The following ZNF148 variants were observed in gnomAD, a reference collection of about 807,000 sequenced individuals.
ZNF148 encodes zinc finger protein 148, also known as Beta-Enolase Repressor Factor-1.
ZNF148 carries 7 observed loss-of-function variants against 67.7 expected under a neutral mutation model. The observed-to-expected ratio is 0.10, with a 90% CI of 0.06 to 0.19. The LOEUF (loss-of-function observed/expected upper bound fraction) is 0.19, where lower values mean the gene tolerates loss of function less well. Ranked by LOEUF, ZNF148 falls within the 10% of genes least tolerant of loss-of-function variation. The pLI is 1.00. For missense variants in ZNF148, 583 were observed against 947.1 expected (o/e 0.62, Z 5.05); for synonymous variants, 333 against 330.7 (o/e 1.01, Z -0.08).
At chr3:125,301,463 CTT>C (rs1293935927) in intron 4 of ZNF148, among the ~76,000 whole-genome samples, 3 of 152,286 alleles carry the variant, frequency 2.0e-5, no homozygotes, top group African/African-American at 7.2e-5. Context: ...CACATGATGA[CTT>C]ATACTTCAAA....
At chr3:125,373,928 C>G (rs944482558) in intron 1 of ZNF148, among the ~76,000 whole-genome samples, 1 of 152,174 alleles carries the variant, frequency 6.6e-6, no homozygotes, top group African/African-American at 2.4e-5. Context: ...CTGAATAATA[C>G]GGCACCAATT....
intron 7 of ZNF148, among the ~76,000 whole-genome samples, chr3:125,258,775 T>G (rs1008303523): frequency 2.6e-5 from 4 of 152,166 alleles, no homozygotes; most frequent in African/African-American, 9.7e-5. Flanking sequence ...TTTTAAGAAA[T>G]AGATGTTATG....
chr3:125,329,620 A>AATC (rs1157387244), intron 2 of ZNF148, among the ~76,000 whole-genome samples: 27 of 151,970 alleles, frequency 1.8e-4, no homozygotes, highest in African/African-American at 6.3e-4. Flanking sequence ...GGCCTCCCAA[A>AATC]GTGCTGGGAT....
chr3:125,292,212 A>G (rs919508247), intron 4 of ZNF148, among the ~76,000 whole-genome samples: 1 of 152,152 alleles, frequency 6.6e-6, no homozygotes, highest in Non-Finnish European at 1.5e-5. Context: ...ATCACGAACT[A>G]TATCTGTCCC....
intron 7 of ZNF148, among the ~76,000 whole-genome samples, chr3:125,237,505 C>T (rs1936145290): frequency 6.6e-6 from 1 of 151,988 alleles, no homozygotes; most frequent in Non-Finnish European, 1.5e-5. Flanking sequence ...TCGTTCAAGC[C>T]TGGGAGGTGA....
intron 7 of ZNF148, among the ~76,000 whole-genome samples, chr3:125,262,237 T>C (rs1424383110): frequency 6.6e-6 from 1 of 152,238 alleles, no homozygotes; most frequent in Non-Finnish European, 1.5e-5. Context: ...GAAAATTTTA[T>C]TAGATCCCTG....
Position 125,231,709 on chromosome 3 carries a change from G to A in ZNF148, c.*632C>T, listed in dbSNP as rs1409073303. On this transcript the variant is annotated 3_prime_UTR_variant, in exon 9 of 9. Transcript: ENST00000360647. ...GTATGCATATTTTTAAAGTAATTAGGCTTTTAAATAGTGGAGTCTTAGACT... is the reference window on the plus strand; with the variant it reads ...GTATGCATATTTTTAAAGTAATTAGACTTTTAAATAGTGGAGTCTTAGACT... 6.6e-6 allele frequency: 1 copy of A among 152,424 alleles called. No homozygotes were observed. Among genetic ancestry groups the A allele is most frequent in the Non-Finnish European group, 1.5e-5 (1 of 67,986 alleles). 9.4% of individuals were successfully genotyped at this position (152,424 alleles called of 1,614,324 possible). A position where few individuals can be genotyped will look rare whatever the true frequency, so the allele number is the denominator to read the frequency against.
chr3:125,368,313 G>A (rs1159770182), intron 1 of ZNF148, among the ~76,000 whole-genome samples: 1 of 152,132 alleles, frequency 6.6e-6, no homozygotes, highest in Admixed American at 6.5e-5. Context: ...TACTTTGGAA[G>A]GCTACCACTT....
chr3:125,351,058 G>A (rs1026501038), intron 1 of ZNF148, among the ~76,000 whole-genome samples: 5 of 152,018 alleles, frequency 3.3e-5, no homozygotes, highest in Non-Finnish European at 7.4e-5. Flanking sequence ...ATGAGGAGTT[G>A]AGGCTGGGTG....
Position 125,313,633 on chromosome 3 carries a change from A to G in ZNF148, c.8T>C (p.Ile3Thr), listed in dbSNP as rs748989806. ...AAACAATCCTTCCAGTTTGTCGTCA[A>G]TGTTCATGCTTAAGTATAACTGCCT... MN[I>T]DDKLEGLFLK... Residue 3 changes from isoleucine (I) to threonine (T), a missense_variant, in exon 4 of 9, where the codon ATT (isoleucine) becomes ACT (threonine). Ile to Thr is a moderately conservative substitution (Grantham distance 89). This residue lies in a region of ZNF148 where 150 missense variants were observed against 202.5 expected (regional missense o/e 0.74). Coordinates refer to ENST00000360647, the MANE Select transcript of ZNF148 (RefSeq NM_021964.3). 7 of 1,611,944 alleles carry G rather than the reference A, an allele frequency of 4.3e-6. No individual in the cohort carries two copies. In the African/African-American group the frequency reaches 6.7e-5, roughly 15 times the overall value.
At chr3:125,297,553 TGTAAGA>T (rs1159709566) in intron 4 of ZNF148, among the ~76,000 whole-genome samples, 1 of 151,160 alleles carries the variant, frequency 6.6e-6, no homozygotes, top group African/African-American at 2.5e-5. Context: ...ACTACAAATC[TGTAAGA>T]GAAAGAAACA....
At chr3:125,281,515 A>G (rs1048501318) in intron 5 of ZNF148, among the ~76,000 whole-genome samples, 1 of 152,218 alleles carries the variant, frequency 6.6e-6, no homozygotes, top group African/African-American at 2.4e-5. Context: ...ATGGCACTTC[A>G]ATAGCTTTCT....
intron 4 of ZNF148, among the ~76,000 whole-genome samples, chr3:125,311,873 C>T (rs1393977434): frequency 6.6e-6 from 1 of 152,126 alleles, no homozygotes; most frequent in Non-Finnish European, 1.5e-5. Flanking sequence ...TTGGAAGACA[C>T]AATCTGTCAA....
intron 1 of ZNF148, among the ~76,000 whole-genome samples, chr3:125,358,004 A>T (rs927248993): frequency 6.6e-6 from 1 of 152,182 alleles, no homozygotes; most frequent in Non-Finnish European, 1.5e-5. Context: ...CTTTTCTAAT[A>T]CTTGAAGTAA....
At chr3:125,318,079 A>T (rs994612482) in intron 3 of ZNF148, among the ~76,000 whole-genome samples, 1 of 152,138 alleles carries the variant, frequency 6.6e-6, no homozygotes, top group Admixed American at 6.5e-5. Context: ...TACAAAAAAA[A>T]ATACATTTTT....
intron 7 of ZNF148, among the ~76,000 whole-genome samples, chr3:125,250,242 T>C (rs1397678977): frequency 1.3e-5 from 2 of 152,238 alleles, no homozygotes; most frequent in Non-Finnish European, 2.9e-5. Flanking sequence ...AATGTATACA[T>C]ATATCATGTT....
intron 7 of ZNF148, among the ~76,000 whole-genome samples, chr3:125,245,237 G>A (rs1217305051): frequency 5.3e-5 from 8 of 152,124 alleles, no homozygotes; most frequent in Admixed American, 5.2e-4. Context: ...ATCCCCATGT[G>A]TCAAAGAGGG....
At chr3:125,285,110 A>G (rs925765174) in intron 5 of ZNF148, among the ~76,000 whole-genome samples, 1 of 152,172 alleles carries the variant, frequency 6.6e-6, no homozygotes, top group African/African-American at 2.4e-5. Flanking sequence ...CAGATCCCCA[A>G]TCTAATACTA....
chr3:125,317,662 T>TAGAGAG (rs1553708261), intron 3 of ZNF148, among the ~76,000 whole-genome samples: 4,747 of 90,032 alleles, frequency 0.053, 183 homozygotes, highest in Non-Finnish European at 0.069. Flanking sequence ...TATATATATA[T>TAGAGAG]AGAGAGAGAG....
Sources: gnomAD v4.1 joint callset for allele counts (sites outside exome capture counted in the v4.1 genomes callset) on GRCh38, gnomAD v4.1.1 for gene constraint, gnomAD v4.1.1 regional missense constraint, MANE v1.5 for transcripts, NCBI Gene and HGNC (gene_info 2026-07-23, HGNC 2026-07-21) for gene names.